Variants in MBNL3 observed in about 807,000 individuals in gnomAD.
MBNL3 encodes the protein muscleblind like splicing regulator 3, also known as muscleblind-like protein 3.
A neutral mutation model predicts 24.5 loss-of-function variants in MBNL3; 6 were observed. That is an observed-to-expected ratio of 0.25 (90% CI 0.13 to 0.48). MBNL3 has a LOEUF of 0.48. MBNL3 is among the 20% of genes least tolerant of loss of function. The pLI is 0.99. For synonymous variants in MBNL3, 100 were observed against 101.7 expected (o/e 0.98, Z 0.10); for missense variants, 230 against 293.5 (o/e 0.78, Z 1.58).
At chrX:132,425,786 T>TA (rs758864763) in intron 2 of MBNL3, among the ~76,000 whole-genome samples, 1 of 111,838 alleles carries the variant, frequency 8.9e-6, no homozygotes, top group Non-Finnish European at 1.9e-5. Context: ...CTAATTATCT[T>TA]AAAAATAACA....
chrX:132,396,831 TA>T (rs1189898647), intron 3 of MBNL3, among the ~76,000 whole-genome samples: 1 of 58,025 alleles, frequency 1.7e-5, no homozygotes, highest in Non-Finnish European at 2.8e-5. Context: ...TATATTCATA[TA>T]TATATTCATA....
At chrX:132,481,375 A>G (rs1260459935) in intron 1 of MBNL3, among the ~76,000 whole-genome samples, 1 of 112,620 alleles carries the variant, frequency 8.9e-6, no homozygotes, top group Non-Finnish European at 1.9e-5. Flanking sequence ...ATATTGGAAT[A>G]AAAGCCCACA....
chrX:132,438,210 A>T (rs1363336916), intron 2 of MBNL3, among the ~76,000 whole-genome samples: 1 of 112,337 alleles, frequency 8.9e-6, no homozygotes, highest in East Asian at 2.8e-4. Flanking sequence ...GCTATGTGTA[A>T]AAAGTGTATA....
chrX:132,401,746 G>GA (rs764250568), intron 3 of MBNL3, among the ~76,000 whole-genome samples: 3 of 110,877 alleles, frequency 2.7e-5, no homozygotes, highest in East Asian at 2.8e-4. Context: ...TAGTAAAAGA[G>GA]AAAAAAACAA....
At chrX:132,483,533 T>C (rs1331205983) in intron 1 of MBNL3, among the ~76,000 whole-genome samples, 2 of 111,277 alleles carry the variant, frequency 1.8e-5, no homozygotes, top group African/African-American at 6.7e-5. Flanking sequence ...CTTTCCTGCG[T>C]AGAAGCTGAG....
chrX:132,478,176 C>T (rs1347381424), intron 1 of MBNL3, among the ~76,000 whole-genome samples: 2 of 105,559 alleles, frequency 1.9e-5, no homozygotes, highest in African/African-American at 6.8e-5. Flanking sequence ...CCAATTGTCC[C>T]AAGGTTTTTA....
intron 1 of MBNL3, among the ~76,000 whole-genome samples, chrX:132,467,242 G>A (rs1946935477): frequency 9.0e-6 from 1 of 111,640 alleles, no homozygotes; most frequent in Non-Finnish European, 1.9e-5. Context: ...CCCTCCTTAA[G>A]TCTAAAACAC....
chrX:132,449,103 G>A (rs1411494580), intron 1 of MBNL3, among the ~76,000 whole-genome samples: 5 of 112,062 alleles, frequency 4.5e-5, no homozygotes, highest in Non-Finnish European at 5.6e-5. Flanking sequence ...TGAGAAGAAT[G>A]TATATTCTGT....
intron 2 of MBNL3, among the ~76,000 whole-genome samples, chrX:132,434,703 C>A (rs1945013982): frequency 8.9e-6 from 1 of 111,778 alleles, no homozygotes; most frequent in Non-Finnish European, 1.9e-5. Flanking sequence ...TACAGAATAA[C>A]TGACCAGTAT....
chrX:132,412,474 G>T (rs1248038753), intron 2 of MBNL3, among the ~76,000 whole-genome samples: 1 of 112,589 alleles, frequency 8.9e-6, no homozygotes, highest in Non-Finnish European at 1.9e-5. Flanking sequence ...ACAGCAGGTG[G>T]GGCCTTCTTG....
At chrX:132,416,806 A>T (rs999535281) in intron 2 of MBNL3, among the ~76,000 whole-genome samples, 1 of 111,915 alleles carries the variant, frequency 8.9e-6, no homozygotes, top group African/African-American at 3.2e-5. Context: ...AAAATTCCAA[A>T]CTCTAAATGT....
In MBNL3 at chrX:132,373,963, G is replaced by A. The variant is rs1933874304; in HGVS notation, c.*5703C>T. 2 of 111,551 alleles carry A rather than the reference G, an allele frequency of 1.8e-5. No homozygotes were observed. The highest frequency in any genetic ancestry group is 4.6e-3 in the Middle Eastern group (1 of 218). 9.2% of individuals were successfully genotyped at this position (111,551 alleles called of 1,213,427 possible). On this transcript the variant is annotated 3_prime_UTR_variant, in exon 9 of 9. Transcript: ENST00000370853. ...GAAGCCAGTTATAAAGTTGTGCCAGGAGCATTTTTTTTCCCTTTGTTGAAG... is the reference window on the plus strand; with the variant it reads ...GAAGCCAGTTATAAAGTTGTGCCAGAAGCATTTTTTTTCCCTTTGTTGAAG...
chrX:132,409,193 C>T (rs769165929), intron 2 of MBNL3, among the ~76,000 whole-genome samples: 4 of 112,065 alleles, frequency 3.6e-5, no homozygotes, highest in Non-Finnish European at 7.5e-5. Context: ...TCAAGAGGCC[C>T]AAACGTAATT....
In MBNL3 at chrX:132,392,288, G is replaced by C. The variant is rs963083102; in HGVS notation, c.389C>G (p.Ala130Gly). The change falls in exon 4 of 9, where the codon GCT becomes GGT. Residue 130 changes from alanine to glycine, a missense_variant. Transcript: ENST00000370853. ...TPSIPANPPMAFNPYIPHPGM... is the reference protein window; with the variant it reads ...TPSIPANPPMGFNPYIPHPGM... ...AGGATGTGGTATGTAAGGATTGAAA[G>C]CCATGGGAGGATTAGCTGGAATTGA... 4.0e-5 allele frequency: 48 copies of C among 1,206,184 alleles called. No homozygotes were observed. The highest frequency in any genetic ancestry group is 5.4e-5 in the Non-Finnish European group (48 of 893,670).
At chrX:132,467,627 T>G (rs943561007) in intron 1 of MBNL3, among the ~76,000 whole-genome samples, 6 of 112,023 alleles carry the variant, frequency 5.4e-5, no homozygotes, top group Non-Finnish European at 1.1e-4. Context: ...CAATGAGACA[T>G]TGTTAACAAC....
chrX:132,437,770 A>T, intron 2 of MBNL3: 1 of 162,634 alleles, frequency 6.1e-6, no homozygotes, highest in Non-Finnish European at 1.0e-5. Context: ...CTGCAGATTT[A>T]AATAATACAC....
intron 1 of MBNL3, among the ~76,000 whole-genome samples, chrX:132,444,769 C>A (rs933678483): frequency 3.6e-5 from 4 of 110,914 alleles, no homozygotes; most frequent in African/African-American, 1.3e-4. Flanking sequence ...ATAATAGATT[C>A]TCTATTAAGT....
intron 5 of MBNL3, 47 bp from the exon 6 acceptor site, chrX:132,386,858 A>G (rs764864066): frequency 8.5e-7 from 1 of 1,173,696 alleles, no homozygotes; most frequent in East Asian, 3.0e-5. Flanking sequence ...TAACAAATGT[A>G]CTCAAACCAA....
intron 1 of MBNL3, among the ~76,000 whole-genome samples, chrX:132,458,307 T>TAA (rs370390027): frequency 3.0e-5 from 3 of 99,159 alleles, no homozygotes; most frequent in African/African-American, 7.3e-5. Context: ...TACCCTTCAT[T>TAA]AAAAAAAAAA....
Sources: gnomAD v4.1 joint callset for allele counts (sites outside exome capture counted in the v4.1 genomes callset) on GRCh38, gnomAD v4.1.1 for gene constraint, MANE v1.5 for transcripts, NCBI Gene and HGNC (gene_info 2026-07-23, HGNC 2026-07-21) for gene names.